DPY19L1: variants seen among roughly 807,000 people sequenced by gnomAD.
DPY19L1 encodes protein C-mannosyl-transferase DPY19L1.
A neutral mutation model predicts 96.9 loss-of-function variants in DPY19L1; 35 were observed. The observed-to-expected ratio is 0.36, with a 90% confidence interval of 0.28 to 0.48. The LOEUF (loss-of-function observed/expected upper bound fraction) is 0.48. DPY19L1 is among the 20% of genes least tolerant of loss of function. DPY19L1 has a pLI of 0.99. For synonymous variants in DPY19L1, 205 were observed against 252.6 expected (o/e 0.81, Z 1.79); for missense variants, 521 against 777.9 (o/e 0.67, Z 3.93).
chr7:34,995,402 G>GCTTGCT (rs1176421753), intron 6 of DPY19L1, among the ~76,000 whole-genome samples: 3 of 151,790 alleles, frequency 2.0e-5, no homozygotes, highest in Non-Finnish European at 4.4e-5. Flanking sequence ...AACATTCTAA[G>GCTTGCT]CTTGCTAAAC....
chr7:34,963,632 T>TGC (rs1784549835), intron 10 of DPY19L1, among the ~76,000 whole-genome samples: 1 of 152,062 alleles, frequency 6.6e-6, no homozygotes, highest in South Asian at 2.1e-4. Context: ...TGTGCGTGTG[T>TGC]GCACACGTGT....
chr7:34,961,026 T>G (rs1784490192), intron 10 of DPY19L1, among the ~76,000 whole-genome samples: 1 of 152,150 alleles, frequency 6.6e-6, no homozygotes, highest in Admixed American at 6.6e-5. Flanking sequence ...CAAAGAACTT[T>G]ATAAATACAT....
intron 13 of DPY19L1, among the ~76,000 whole-genome samples, chr7:34,950,188 G>A (rs534092421): frequency 6.6e-5 from 10 of 152,194 alleles, no homozygotes; most frequent in South Asian, 4.2e-4. Context: ...GAAACAGGCC[G>A]CACAGCATCT....
At chr7:34,993,972 T>C (rs73098794) in intron 6 of DPY19L1, among the ~76,000 whole-genome samples, 36,205 of 150,934 alleles carry the variant, frequency 0.24, 4,581 homozygotes, top group Non-Finnish European at 0.29. Context: ...AGGCTGAGAG[T>C]CAAGATTCGT....
At chr7:34,963,177 A>T (rs1170092551) in intron 10 of DPY19L1, among the ~76,000 whole-genome samples, 1 of 144,404 alleles carries the variant, frequency 6.9e-6, no homozygotes, top group Non-Finnish European at 1.5e-5. Context: ...CCTGGGCGAC[A>T]GAGCGAGATC....
chr7:34,933,198 A>G (rs527603706), intron 21 of DPY19L1, among the ~76,000 whole-genome samples: 4 of 152,206 alleles, frequency 2.6e-5, no homozygotes, highest in Admixed American at 2.0e-4. Flanking sequence ...GGTTACACGG[A>G]TAAGTTATTC....
intron 6 of DPY19L1, among the ~76,000 whole-genome samples, chr7:34,994,159 A>G (rs1785233559): frequency 6.6e-6 from 1 of 152,228 alleles, no homozygotes; most frequent in African/African-American, 2.4e-5. Context: ...ATCTGATCAC[A>G]GTAGAAAATT....
chr7:34,991,747 A>ATC (rs987817225), intron 6 of DPY19L1, among the ~76,000 whole-genome samples: 4 of 152,252 alleles, frequency 2.6e-5, no homozygotes, highest in East Asian at 1.9e-4. Flanking sequence ...GTTCTTCCAA[A>ATC]TCTCTCTCTC....
chr7:35,011,237 T>C (rs1365723522), intron 5 of DPY19L1, 93 bp downstream of exon 5: 10 of 1,447,224 alleles, frequency 6.9e-6, no homozygotes, highest in Non-Finnish European at 9.5e-7. Flanking sequence ...GGGTGTTGTT[T>C]ATACCACTAA....
intron 10 of DPY19L1, among the ~76,000 whole-genome samples, chr7:34,965,446 G>A (rs554872326): frequency 2.0e-5 from 3 of 152,074 alleles, no homozygotes; most frequent in Admixed American, 6.5e-5. Flanking sequence ...GTACTATTTA[G>A]TAATCCACAT....
intron 8 of DPY19L1, among the ~76,000 whole-genome samples, chr7:34,970,026 G>A (rs953310822): frequency 6.6e-6 from 1 of 152,234 alleles, no homozygotes; most frequent in African/African-American, 2.4e-5. Flanking sequence ...GAAAAGTTAA[G>A]TGGAGGAAAA....
upstream of DPY19L1, chr7:35,037,765 C>T (rs932627099): frequency 1.8e-6 from 2 of 1,130,750 alleles, no homozygotes; most frequent in Non-Finnish European, 2.2e-6. Context: ...CGCGCACGCG[C>T]GGACTTCCGG....
At chr7:35,020,412 T>C (rs556618520) in intron 1 of DPY19L1, among the ~76,000 whole-genome samples, 19 of 152,308 alleles carry the variant, frequency 1.2e-4, no homozygotes, top group African/African-American at 4.3e-4. Flanking sequence ...GTTGTATATA[T>C]AGGTATGTGT....
rs199681894 is a variant in DPY19L1 at position 34,973,531 on chromosome 7, T to C, written c.897A>G (p.Leu299=). Residue 299 remains leucine, a synonymous_variant, in exon 8 of 22, where the codon CTA becomes CTG. Coordinates refer to ENST00000638088, the MANE Select transcript of DPY19L1 (RefSeq NM_001366673.1). ...SYPFLVLQML[L]VTHILRATKL... ...AAAGTTACCTGAGAATATGAGTCAC[T>C]AGCAACATCTGAAGAACAAGAAATG... The C allele has an allele frequency of 3.9e-6, 6 of 1,538,450 alleles. No individual in the cohort carries two copies. Among genetic ancestry groups the C allele is most frequent in the Non-Finnish European group, 4.4e-6 (5 of 1,142,264 alleles).
chr7:34,941,198 T>C (rs1784005721), intron 18 of DPY19L1, among the ~76,000 whole-genome samples: 1 of 152,146 alleles, frequency 6.6e-6, no homozygotes, highest in African/African-American at 2.4e-5. Flanking sequence ...GTGCTGCTGT[T>C]GTACCTAGGC....
intron 3 of DPY19L1, 77 bp from the exon 4 acceptor site, chr7:35,013,782 T>A: frequency 8.3e-7 from 1 of 1,208,242 alleles, no homozygotes; most frequent in African/African-American, 1.6e-5. Context: ...ATACACTGTT[T>A]TTGAAAAACA....
chr7:35,009,150 T>C (rs573875215), intron 6 of DPY19L1, among the ~76,000 whole-genome samples: 15 of 152,366 alleles, frequency 9.8e-5, no homozygotes, highest in African/African-American at 3.1e-4. Flanking sequence ...CTTCCTCTTT[T>C]GACAAATGCT....
upstream of DPY19L1, chr7:35,037,628 T>C (rs1786467681): frequency 4.5e-6 from 1 of 220,676 alleles, no homozygotes; most frequent in Middle Eastern, 1.7e-3. Context: ...CCCGCCGCCG[T>C]TGCCGCCGCT....
rs763232531 is a variant in DPY19L1, at chr7:34,973,623, T to C, written c.823-18A>G. 17 of 1,373,116 alleles carry C rather than the reference T, an allele frequency of 1.2e-5. No individual in the cohort carries two copies. Among genetic ancestry groups the C allele is most frequent in the African/African-American group, 8.9e-5 (6 of 67,144 alleles). The allele number at this position is 1,373,116 out of a possible 1,614,324, so 85.1% of individuals were successfully genotyped here. ...CGGGTACACTGAAAAAAAAAATTTG[T>C]AGTATAGTATACTTGCTAAATTTAC... On this transcript the variant is annotated intron_variant, in intron 7 of 21. Coordinates refer to ENST00000638088, the MANE Select transcript of DPY19L1 (RefSeq NM_001366673.1).
Sources: allele counts gnomAD v4.1 joint callset (sites outside exome capture counted in the v4.1 genomes callset), GRCh38; gene constraint gnomAD v4.1.1; transcripts MANE v1.5; gene names NCBI Gene and HGNC (gene_info 2026-07-23, HGNC 2026-07-21).